The following ZPBP variants were observed in gnomAD, a reference collection of about 807,000 sequenced individuals.
The protein encoded by ZPBP is zona pellucida-binding protein 1.
Under a neutral mutation model 44.8 loss-of-function variants are expected in ZPBP, and 26 were observed. The observed-to-expected ratio is 0.58, with a 90% CI of 0.43 to 0.81. ZPBP has a LOEUF of 0.81. ZPBP is among the 30% of genes least tolerant of loss of function. ZPBP has a pLI of 0.00. For missense variants in ZPBP, 409 were observed against 434.0 expected (o/e 0.94, Z 0.51); for synonymous variants, 174 against 153.2 (o/e 1.14, Z -1.00).
At chr7:49,971,874 A>T (rs559063111) in intron 7 of ZPBP, among the ~76,000 whole-genome samples, 3 of 152,170 alleles carry the variant, frequency 2.0e-5, no homozygotes, top group East Asian at 3.9e-4. Context: ...ATTCAATAAC[A>T]TACTAAAGGA....
chr7:50,004,896 C>G (rs907300709), intron 6 of ZPBP, among the ~76,000 whole-genome samples: 1 of 151,794 alleles, frequency 6.6e-6, no homozygotes, highest in Non-Finnish European at 1.5e-5. Context: ...ATAAAAATGG[C>G]TGAAAATTTT....
intron 2 of ZPBP, among the ~76,000 whole-genome samples, chr7:49,870,232 C>T (rs1417570008): frequency 6.6e-6 from 1 of 152,078 alleles, no homozygotes; most frequent in East Asian, 1.9e-4. Context: ...AACTCCGTCT[C>T]TACTAAAAAT....
At chr7:49,862,432 T>A (rs934657776) in intron 2 of ZPBP, among the ~76,000 whole-genome samples, 2 of 152,192 alleles carry the variant, frequency 1.3e-5, no homozygotes, top group Non-Finnish European at 2.9e-5. Flanking sequence ...TAGTTTTATT[T>A]CTTCCTTTCC....
At chr7:50,078,882 T>TA (rs905829070) in intron 3 of ZPBP, among the ~76,000 whole-genome samples, 1 of 149,200 alleles carries the variant, frequency 6.7e-6, no homozygotes, top group African/African-American at 2.5e-5. Context: ...GCAACTCCAC[T>TA]AAAAAATGGG....
At chr7:50,021,561 G>C (rs537243788) in intron 5 of ZPBP, among the ~76,000 whole-genome samples, 19 of 152,090 alleles carry the variant, frequency 1.2e-4, no homozygotes, top group African/African-American at 4.1e-4. Flanking sequence ...ATACATGATG[G>C]GAGACACAGA....
intron 3 of ZPBP, among the ~76,000 whole-genome samples, chr7:50,077,499 T>C (rs954207986): frequency 1.3e-4 from 20 of 151,676 alleles, no homozygotes; most frequent in Admixed American, 2.6e-4. Context: ...CTACCCCCTT[T>C]GACAAGGATT....
intron 5 of ZPBP, among the ~76,000 whole-genome samples, chr7:50,019,694 C>A (rs567359231): frequency 6.6e-5 from 10 of 151,972 alleles, no homozygotes; most frequent in African/African-American, 2.4e-4. Flanking sequence ...TCTTTCATAC[C>A]TTCCCAAACC....
At chr7:49,847,042 A>G (rs1461990153), downstream of ZPBP, among the ~76,000 whole-genome samples, 1 of 152,154 alleles carries the variant, frequency 6.6e-6, no homozygotes, top group African/African-American at 2.4e-5. Flanking sequence ...TCTGTGTCAA[A>G]TTGGGATGTC....
intron 5 of ZPBP, among the ~76,000 whole-genome samples, chr7:50,024,432 T>C (rs1362375224): frequency 6.9e-6 from 1 of 145,616 alleles, no homozygotes; most frequent in East Asian, 2.0e-4. Context: ...GATGACTGGA[T>C]AGATATAAAT....
At chr7:49,847,212 TTATAATATAATATAA>T, downstream of ZPBP, among the ~76,000 whole-genome samples, 1 of 149,010 alleles carries the variant, frequency 6.7e-6, no homozygotes, top group Middle Eastern at 3.5e-3. Context: ...TGTGAACCTA[TTATAATATAATATAA>T]TATAATATAT....
intron 3 of ZPBP, among the ~76,000 whole-genome samples, chr7:50,071,614 T>C (rs1801841836): frequency 6.6e-6 from 1 of 152,054 alleles, no homozygotes; most frequent in Admixed American, 6.5e-5. Flanking sequence ...GCACCCCTTC[T>C]TTCCACCTGA....
chr7:49,860,141 T>C (rs1416704523), intron 2 of ZPBP, among the ~76,000 whole-genome samples: 1 of 152,202 alleles, frequency 6.6e-6, no homozygotes, highest in Non-Finnish European at 1.5e-5. Context: ...TCTTTTTAAG[T>C]GTTCAATCCA....
At chr7:49,981,425 T>A (rs1403744399) in intron 7 of ZPBP, among the ~76,000 whole-genome samples, 1 of 50,334 alleles carries the variant, frequency 2.0e-5, no homozygotes, top group Non-Finnish European at 3.2e-5. Flanking sequence ...ATATATAATA[T>A]AAAATATATA....
chr7:49,941,588 G>T (rs1461406459), intron 7 of ZPBP, among the ~76,000 whole-genome samples: 4 of 152,088 alleles, frequency 2.6e-5, no homozygotes, highest in Middle Eastern at 3.4e-3. Flanking sequence ...AACCAAGGTG[G>T]TGGAATAATG....
chr7:49,871,326 A>C (rs1047084929), intron 2 of ZPBP, among the ~76,000 whole-genome samples: 2 of 152,200 alleles, frequency 1.3e-5, no homozygotes, highest in African/African-American at 2.4e-5. Flanking sequence ...TGTGCAATTA[A>C]AACCCCTGCG....
intron 2 of ZPBP, among the ~76,000 whole-genome samples, chr7:49,855,413 G>C (rs1242681612): frequency 6.6e-6 from 1 of 152,118 alleles, no homozygotes; most frequent in Non-Finnish European, 1.5e-5. Flanking sequence ...AGCATCTCTG[G>C]GTGGGAGTTT....
intron 2 of ZPBP, among the ~76,000 whole-genome samples, chr7:49,874,504 T>A (rs186219500): frequency 6.6e-6 from 1 of 152,020 alleles, no homozygotes; most frequent in Non-Finnish European, 1.5e-5. Flanking sequence ...AAACATCACA[T>A]TTCTCACAAT....
At chr7:50,055,174 C>A (rs1174391736) in intron 4 of ZPBP, among the ~76,000 whole-genome samples, 1 of 152,044 alleles carries the variant, frequency 6.6e-6, no homozygotes, top group African/African-American at 2.4e-5. Context: ...TATGGTGTAT[C>A]TGTGTGTATA....
At chr7:50,043,002 C>A (rs937197255) in intron 4 of ZPBP, among the ~76,000 whole-genome samples, 2 of 152,152 alleles carry the variant, frequency 1.3e-5, no homozygotes, top group African/African-American at 4.8e-5. Context: ...GACACCCACG[C>A]TGGAAGATTG....
Sources: allele counts gnomAD v4.1 joint callset (sites outside exome capture counted in the v4.1 genomes callset), GRCh38; gene constraint gnomAD v4.1.1; transcripts MANE v1.5; gene names NCBI Gene and HGNC (gene_info 2026-07-23, HGNC 2026-07-21).